Variants in SYBU observed in about 807,000 individuals in gnomAD.
SYBU encodes GOLSYN A protein.
SYBU carries 21 observed loss-of-function variants against 35.9 expected under a neutral mutation model. The observed-to-expected ratio is 0.58, with a 90% confidence interval of 0.41 to 0.84. The LOEUF is 0.84. SYBU is among the 40% of genes least tolerant of loss of function. The pLI, the probability that SYBU is intolerant of heterozygous loss-of-function variation, is 0.00. For missense variants in SYBU, 768 were observed against 848.2 expected (o/e 0.91, Z 1.17); for synonymous variants, 319 against 324.3 (o/e 0.98, Z 0.18).
At position 109,575,261 on chromosome 8, in the gene SYBU, C is replaced by T; in HGVS notation, c.1637G>A (p.Arg546Lys). ...CAAAAGGATGGCTGAGTTTGGATTT[C>T]TTGGAGTTAAATCAACCACTAAGGC... is the stretch of plus-strand genomic sequence containing the variant. ...LSALVVDLTP[R>K]NPNSAILLSP... Residue 546 changes from arginine (R) to lysine (K), a missense_variant, in exon 7 of 7, where the codon AGA (arginine) becomes AAA (lysine). Coordinates refer to ENST00000276646, the MANE Select transcript of SYBU (RefSeq NM_001099754.2). 2 of 1,614,204 alleles carry T rather than the reference C, an allele frequency of 1.2e-6. No individual in the cohort carries two copies. The highest frequency in any genetic ancestry group is 1.7e-6 in the Non-Finnish European group (2 of 1,180,042).
rs1395771051 is a variant in SYBU, at chr8:109,574,040, C to T, written c.*866G>A. 3 of 152,144 alleles carry T rather than the reference C, an allele frequency of 2.0e-5. No homozygotes were observed. Among genetic ancestry groups the T allele is most frequent in the Non-Finnish European group, 4.4e-5 (3 of 68,004 alleles). The allele number at this position is 152,144 out of a possible 1,614,324, so 9.4% of individuals were successfully genotyped here. A position where few individuals can be genotyped will look rare whatever the true frequency, so the allele number is the denominator to read the frequency against. On this transcript the variant is annotated 3_prime_UTR_variant, in exon 7 of 7. Coordinates refer to ENST00000276646, the MANE Select transcript of SYBU (RefSeq NM_001099754.2). ...TGCTTTTTAAGTAAGGGTAGGAAAT[C>T]TTCATTTTCTTTAATAACTAACTCT...
At chr8:109,606,803 C>T (rs1826110853) in intron 3 of SYBU, among the ~76,000 whole-genome samples, 1 of 152,132 alleles carries the variant, frequency 6.6e-6, no homozygotes. Flanking sequence ...TAAAATTGAG[C>T]CATGACTAAC....
intron 3 of SYBU, among the ~76,000 whole-genome samples, chr8:109,588,332 A>C (rs142444677): frequency 0.016 from 2,363 of 152,274 alleles, 38 homozygotes; most frequent in Middle Eastern, 0.044. Context: ...TGAAAGGACA[A>C]CTTTGTTCTA....
chr8:109,575,598 T>G lies in SYBU; in HGVS notation c.1300A>C (p.Ser434Arg), dbSNP rs771187944. ...AACAAATCTGTGCTGTTGGCTATGCTATCTCCTACCAGTAGCTCCCTGTCA... is the reference window on the plus strand; with the variant it reads ...AACAAATCTGTGCTGTTGGCTATGCGATCTCCTACCAGTAGCTCCCTGTCA... ...GADRELLVGDSIANSTDLFDE... is the reference protein window; with the variant it reads ...GADRELLVGDRIANSTDLFDE... The change falls in exon 7 of 7, where the codon AGC becomes CGC. Residue 434 changes from serine to arginine, a missense_variant. Physicochemically the swap from Ser to Arg is moderately radical, Grantham distance 110. Transcript: ENST00000276646. The G allele has an allele frequency of 6.2e-7, 1 of 1,614,140 alleles. No individual in the cohort carries two copies. Among genetic ancestry groups the G allele is most frequent in the African/African-American group, 1.3e-5 (1 of 75,038 alleles).
intron 3 of SYBU, among the ~76,000 whole-genome samples, chr8:109,606,750 T>A (rs148555266): frequency 7.9e-5 from 12 of 152,312 alleles, no homozygotes; most frequent in African/African-American, 2.9e-4. Context: ...CTTGGTACAT[T>A]CACATTCTCA....
intron 1 of SYBU, among the ~76,000 whole-genome samples, chr8:109,671,956 C>T (rs1023722174): frequency 1.3e-5 from 2 of 152,106 alleles, no homozygotes. Context: ...GGCTGGAGTG[C>T]AATGGCATGA....
intron 1 of SYBU, among the ~76,000 whole-genome samples, chr8:109,687,328 A>G (rs141488914): frequency 2.7e-3 from 406 of 152,324 alleles, no homozygotes; most frequent in African/African-American, 8.6e-3. Context: ...TTGGCAAAAG[A>G]GAATAAAGCT....
At chr8:109,598,191 A>T (rs534989333) in intron 3 of SYBU, among the ~76,000 whole-genome samples, 3 of 152,244 alleles carry the variant, frequency 2.0e-5, no homozygotes, top group African/African-American at 7.2e-5. Flanking sequence ...GCTGCCTCTG[A>T]CAAAGTGAGA....
chr8:109,596,155 C>A (rs1824853844), intron 3 of SYBU, among the ~76,000 whole-genome samples: 1 of 152,140 alleles, frequency 6.6e-6, no homozygotes. Context: ...CCATACGAAA[C>A]TAAGCATGGA....
chr8:109,640,271 C>T (rs1220100167), intron 2 of SYBU, among the ~76,000 whole-genome samples: 2 of 152,184 alleles, frequency 1.3e-5, no homozygotes, highest in African/African-American at 2.4e-5. Flanking sequence ...GAAGTGGGTC[C>T]GGGGAAGAAT....
Position 109,613,681 on chromosome 8 carries a change from G to A in SYBU, c.427+5161C>T, listed in dbSNP as rs1361214690. ...AAGAATGGCCTACTCTAGGTAAGTT[G>A]TCTAGCTGTTTTATTTCACAGAACT... On this transcript the variant is annotated intron_variant, in intron 3 of 6. Coordinates refer to ENST00000276646, the MANE Select transcript of SYBU (RefSeq NM_001099754.2). Among the ~76,000 whole-genome samples the A allele has an allele frequency of 6.6e-5, 10 of 152,304 alleles. No individual in the cohort carries two copies. In the South Asian group the frequency reaches 2.1e-3, roughly 32 times the overall value.
chr8:109,607,116 CA>C (rs748801605), intron 3 of SYBU, among the ~76,000 whole-genome samples: 4 of 152,186 alleles, frequency 2.6e-5, no homozygotes, highest in Non-Finnish European at 5.9e-5. Flanking sequence ...TTTACCACCA[CA>C]GGCATTAATC....
At chr8:109,690,543 G>A (rs978393667) in intron 1 of SYBU, among the ~76,000 whole-genome samples, 4 of 152,176 alleles carry the variant, frequency 2.6e-5, no homozygotes, top group Admixed American at 6.5e-5. Context: ...CCTAGCAGTG[G>A]AGTCTCCTGT....
intron 1 of SYBU, among the ~76,000 whole-genome samples, chr8:109,678,818 CAAG>C (rs1279244111): frequency 1.3e-5 from 2 of 152,090 alleles, no homozygotes; most frequent in African/African-American, 4.8e-5. Context: ...CTTAGAATTA[CAAG>C]AAGACCTTTA....
chr8:109,624,399 A>G (rs539505465), intron 2 of SYBU, among the ~76,000 whole-genome samples: 5 of 152,366 alleles, frequency 3.3e-5, no homozygotes, highest in Admixed American at 2.6e-4. Context: ...GTTATTGGAA[A>G]GTTTGTCCTT....
At chr8:109,640,700 G>C (rs543582321) in intron 2 of SYBU, among the ~76,000 whole-genome samples, 1 of 151,098 alleles carries the variant, frequency 6.6e-6, no homozygotes, top group Non-Finnish European at 1.5e-5. Flanking sequence ...TCTTAAACTA[G>C]ATTCATGTGA....
chr8:109,658,728 C>G (rs1168059001), intron 1 of SYBU, among the ~76,000 whole-genome samples: 3 of 152,126 alleles, frequency 2.0e-5, no homozygotes, highest in African/African-American at 7.2e-5. Flanking sequence ...CCAAGGTGGG[C>G]AGATCACCTG....
At chr8:109,670,954 A>G (rs114963656) in intron 1 of SYBU, among the ~76,000 whole-genome samples, 2,094 of 152,320 alleles carry the variant, frequency 0.014, 50 homozygotes, top group African/African-American at 0.048. Context: ...GAACCTTAAT[A>G]TAGAATTTTT....
intron 3 of SYBU, among the ~76,000 whole-genome samples, chr8:109,609,896 T>C (rs1056062929): frequency 6.6e-6 from 1 of 152,192 alleles, no homozygotes; most frequent in African/African-American, 2.4e-5. Flanking sequence ...CCAAATTTAG[T>C]GTCTTGCTTC....
Sources: gnomAD v4.1 joint callset for allele counts (sites outside exome capture counted in the v4.1 genomes callset) on GRCh38, gnomAD v4.1.1 for gene constraint, MANE v1.5 for transcripts, NCBI Gene and HGNC (gene_info 2026-07-23, HGNC 2026-07-21) for gene names.